GLG1: variants seen among roughly 807,000 people sequenced by gnomAD.
GLG1 encodes the protein golgi glycoprotein 1, also known as Golgi apparatus protein 1.
GLG1 carries 38 observed loss-of-function variants against 160.5 expected under a neutral mutation model. The ratio of observed to expected loss-of-function variants is 0.24; its 90% CI spans 0.18 to 0.31. The LOEUF is 0.31. Among genes scored for constraint, GLG1 ranks in the 10% least tolerant of loss-of-function variants. GLG1 has a pLI of 1.00. For synonymous variants in GLG1, 644 were observed against 543.4 expected (o/e 1.19, Z -2.57); for missense variants, 1,373 against 1,505.2 (o/e 0.91, Z 1.45).
Position 74,474,577 on chromosome 16 carries a change from A to G in GLG1, c.2021T>C (p.Ile674Thr), listed in dbSNP as rs368450618. The G allele has an allele frequency of 2.5e-6, 4 of 1,578,950 alleles. No individual in the cohort carries two copies. Among genetic ancestry groups the G allele is most frequent in the South Asian group, 1.1e-5 (1 of 90,318 alleles). ...TTCTAACTCAGTGAGGTTGCCAACT[A>G]TATCTCTACACTCCACCACCAAGTC... ...LDDLVVECRD[I>T]VGNLTELESE... Residue 674 changes from isoleucine to threonine, a missense_variant, in exon 13 of 26, where the codon ATA becomes ACA. Around this residue, in one of 4 missense-constraint regions of GLG1, gnomAD observed 386 missense variants for 388.5 expected, o/e 0.99. Coordinates refer to ENST00000422840, the MANE Select transcript of GLG1 (RefSeq NM_001145667.2).
rs764175535 is a variant in GLG1, at chr16:74,462,130, G to A, written c.3000C>T (p.Arg1000=). 25 of 1,608,432 alleles carry A rather than the reference G, an allele frequency of 1.6e-5. No individual in the cohort carries two copies. In the Middle Eastern group the frequency reaches 8.2e-4, roughly 53 times the overall value. ...AGTGCAGCTGGAGCTGAGGATCCAG[G>A]CGGTAGTCCAGGGCGGACTCCTGGA... ...IIIQESALDY[R]LDPQLQLHCS... is the part of the protein sequence containing the mutation. Residue 1000 remains arginine, a synonymous_variant, in exon 22 of 26, where the codon CGC becomes CGT. Coordinates refer to ENST00000422840, the MANE Select transcript of GLG1 (RefSeq NM_001145667.2).
At chr16:74,533,239 T>C (rs71391093) in intron 1 of GLG1, among the ~76,000 whole-genome samples, 1 of 152,074 alleles carries the variant, frequency 6.6e-6, no homozygotes, top group African/African-American at 2.4e-5. Flanking sequence ...GAGAATCGCA[T>C]GAACCCGGGA....
intron 3 of GLG1, among the ~76,000 whole-genome samples, chr16:74,506,890 C>A (rs1180616880): frequency 7.2e-5 from 11 of 152,078 alleles, no homozygotes; most frequent in African/African-American, 2.4e-4. Flanking sequence ...GGAGTAAACT[C>A]TGAAGTGGCT....
In GLG1 at chr16:74,493,146, G is replaced by T; in HGVS notation, c.1051-6C>A. On this transcript the variant is annotated splice_polypyrimidine_tract_variant and splice_region_variant and intron_variant, in intron 6 of 25. Coordinates refer to ENST00000422840, the MANE Select transcript of GLG1 (RefSeq NM_001145667.2). ...GTTGTAAGTGCTTCTCGACACTGAG[G>T]AAAGAGTACAGCAACAGCCGTGAGA... 3 of 1,603,780 alleles carry T rather than the reference G, an allele frequency of 1.9e-6. No homozygotes were observed. Among genetic ancestry groups the T allele is most frequent in the Non-Finnish European group, 2.6e-6 (3 of 1,173,326 alleles).
At chr16:74,458,985 A>C (rs994194036) in intron 23 of GLG1, among the ~76,000 whole-genome samples, 1 of 152,214 alleles carries the variant, frequency 6.6e-6, no homozygotes, top group Non-Finnish European at 1.5e-5. Context: ...CTATAAAACA[A>C]CAGTAAGAGA....
intron 1 of GLG1, among the ~76,000 whole-genome samples, chr16:74,561,638 C>A (rs1011562793): frequency 6.6e-6 from 1 of 152,164 alleles, no homozygotes; most frequent in Admixed American, 6.5e-5. Context: ...AGATATGCAA[C>A]TTGAATGAAC....
chr16:74,557,666 A>G (rs1223585187), intron 1 of GLG1, among the ~76,000 whole-genome samples: 1 of 152,172 alleles, frequency 6.6e-6, no homozygotes, highest in Non-Finnish European at 1.5e-5. Flanking sequence ...TGGTCAGAAG[A>G]CCATATCCCA....
At chr16:74,538,830 G>A (rs2017755893) in intron 1 of GLG1, among the ~76,000 whole-genome samples, 1 of 149,784 alleles carries the variant, frequency 6.7e-6, no homozygotes, top group Admixed American at 6.7e-5. Flanking sequence ...GTTTTTAGGG[G>A]GAAAGGAGGA....
chr16:74,519,689 A>G (rs1027099262), intron 2 of GLG1, among the ~76,000 whole-genome samples: 2 of 152,176 alleles, frequency 1.3e-5, no homozygotes, highest in Admixed American at 6.6e-5. Context: ...TAAAAAATCA[A>G]AACAAGAAAT....
rs1213827437 is a variant in GLG1, at chr16:74,601,191, G to A, written c.438+5466C>T. ...TGAATGAATATGGAATCAGGAACTG[G>A]TACATATATAATCCTAGAAACTTTA... is the stretch of plus-strand genomic sequence containing the variant. On this transcript the variant is annotated intron_variant, in intron 1 of 25. Coordinates refer to ENST00000422840, the MANE Select transcript of GLG1 (RefSeq NM_001145667.2). Among the ~76,000 whole-genome samples, 4 of 151,776 alleles carry A rather than the reference G, an allele frequency of 2.6e-5. No homozygotes were observed. The East Asian group carries it at 7.8e-4, about 30-fold the overall frequency.
At chr16:74,519,036 G>C (rs2017072736) in intron 2 of GLG1, among the ~76,000 whole-genome samples, 1 of 152,124 alleles carries the variant, frequency 6.6e-6, no homozygotes, top group African/African-American at 2.4e-5. Flanking sequence ...ACATGCACAT[G>C]TATATTTATT....
chr16:74,459,672 C>T lies in GLG1; in HGVS notation c.3144+10G>A, dbSNP rs531227640. ...AAATGAAGTGAGGAAAAGAAGGTGA[C>T]GGTGGTTACCTTTTTACACAATTCT... On this transcript the variant is annotated intron_variant, in intron 23 of 25. Transcript: ENST00000422840. 11 of 1,307,492 alleles carry T rather than the reference C, an allele frequency of 8.4e-6. No homozygotes were observed. The highest frequency in any genetic ancestry group is 5.9e-5 in the African/African-American group (4 of 67,842). 81.0% of individuals were successfully genotyped at this position (1,307,492 alleles called of 1,614,324 possible). A position where few individuals can be genotyped will look rare whatever the true frequency, so the allele number is the denominator to read the frequency against.
chr16:74,521,152 G>A (rs2017150728), intron 2 of GLG1, among the ~76,000 whole-genome samples: 1 of 152,210 alleles, frequency 6.6e-6, no homozygotes, highest in African/African-American at 2.4e-5. Context: ...CTGAGTATCT[G>A]AAGAATAGCA....
Position 74,502,939 on chromosome 16 carries a change from G to A in GLG1, c.774+592C>T, listed in dbSNP as rs528060122. Among the ~76,000 whole-genome samples the A allele has an allele frequency of 2.0e-5, 3 of 151,022 alleles. No individual in the cohort carries two copies. In the East Asian group the frequency reaches 6.0e-4, roughly 30 times the overall value. ...TTACTGAACTTGGCCGGGACCGGTG[G>A]CTCACGTCTGTAATCCCAGCACTTT... On this transcript the variant is annotated intron_variant, in intron 4 of 25. Transcript: ENST00000422840.
chr16:74,507,021 T>G (rs2016637086), intron 3 of GLG1, among the ~76,000 whole-genome samples: 1 of 152,170 alleles, frequency 6.6e-6, no homozygotes, highest in Non-Finnish European at 1.5e-5. Context: ...TGGTTTGTAT[T>G]AATAGTTTAC....
At chr16:74,488,924 T>C (rs1452610139) in intron 8 of GLG1, among the ~76,000 whole-genome samples, 1 of 152,132 alleles carries the variant, frequency 6.6e-6, no homozygotes, top group Non-Finnish European at 1.5e-5. Flanking sequence ...CAGCCTCACT[T>C]GGCTAAATTT....
chr16:74,532,599 T>C (rs556838782), intron 1 of GLG1, among the ~76,000 whole-genome samples: 3 of 152,194 alleles, frequency 2.0e-5, no homozygotes, highest in South Asian at 4.1e-4. Flanking sequence ...TCATGGCTCA[T>C]GGCAGCCTCA....
At chr16:74,478,749 T>A (rs532477347) in intron 11 of GLG1, among the ~76,000 whole-genome samples, 30 of 151,254 alleles carry the variant, frequency 2.0e-4, no homozygotes, top group Middle Eastern at 3.5e-3. Flanking sequence ...CCATCTCTAC[T>A]AAAAATACAA....
At chr16:74,592,458 T>C (rs149700840) in intron 1 of GLG1, among the ~76,000 whole-genome samples, 16 of 152,270 alleles carry the variant, frequency 1.1e-4, no homozygotes, top group Non-Finnish European at 1.9e-4. Context: ...CTTGACCTTA[T>C]TCCAAAGCTT....
Sources: allele counts gnomAD v4.1 joint callset (sites outside exome capture counted in the v4.1 genomes callset), GRCh38; gene constraint gnomAD v4.1.1; regional missense constraint gnomAD v4.1.1; transcripts MANE v1.5; gene names NCBI Gene and HGNC (gene_info 2026-07-23, HGNC 2026-07-21).